Variants in PPM1L observed in about 807,000 individuals in gnomAD.
The protein encoded by PPM1L is protein phosphatase, Mg2+/Mn2+ dependent 1L, also known as protein phosphatase 1L.
PPM1L carries 13 observed loss-of-function variants against 31.4 expected under a neutral mutation model. The ratio of observed to expected loss-of-function variants is 0.41; its 90% CI spans 0.27 to 0.66. PPM1L has a LOEUF of 0.66. PPM1L is among the 30% of genes least tolerant of loss of function. PPM1L has a pLI of 0.29. For missense variants in PPM1L, 326 were observed against 453.7 expected (o/e 0.72, Z 2.56); for synonymous variants, 184 against 175.4 (o/e 1.05, Z -0.39).
intron 1 of PPM1L, among the ~76,000 whole-genome samples, chr3:160,778,452 G>A (rs771677320): frequency 1.2e-4 from 19 of 152,014 alleles, no homozygotes; most frequent in Non-Finnish European, 2.5e-4. Context: ...GAGCATCTGG[G>A]TACTTGAAAT....
Position 160,976,211 on chromosome 3 carries a change from C to T in PPM1L, c.574+14301C>T, listed in dbSNP as rs548003624. On this transcript the variant is annotated intron_variant, in intron 2 of 3. Transcript: ENST00000498165. ...GCATATATTGAACCAGCCTTGCATCCCAGGGATGAAGCCCACTTGATCATG... is the reference window on the plus strand; with the variant it reads ...GCATATATTGAACCAGCCTTGCATCTCAGGGATGAAGCCCACTTGATCATG... Among the ~76,000 whole-genome samples, 30 of 137,678 alleles carry T rather than the reference C, an allele frequency of 2.2e-4. 1 individual carries two copies. The South Asian group carries it at 6.4e-3, about 29-fold the overall frequency. The allele number at this position is 137,678 out of a possible 152,430, so 90.3% of individuals were successfully genotyped here. A position where few individuals can be genotyped will look rare whatever the true frequency, so the allele number is the denominator to read the frequency against.
chr3:161,026,941 T>C (rs1718417397), intron 2 of PPM1L, among the ~76,000 whole-genome samples: 1 of 152,130 alleles, frequency 6.6e-6, no homozygotes, highest in South Asian at 2.1e-4. Context: ...GTACACTGGC[T>C]CCAGAGATGA....
chr3:160,994,953 C>A (rs1334110617), intron 2 of PPM1L, among the ~76,000 whole-genome samples: 1 of 152,082 alleles, frequency 6.6e-6, no homozygotes, highest in Non-Finnish European at 1.5e-5. Flanking sequence ...CCAGCCAATG[C>A]AAGGACCCTG....
At chr3:160,907,610 C>G (rs1713808343) in intron 1 of PPM1L, among the ~76,000 whole-genome samples, 1 of 152,026 alleles carries the variant, frequency 6.6e-6, no homozygotes, top group Admixed American at 6.6e-5. Context: ...AACTATCTAG[C>G]CAAATTCCTT....
At chr3:160,778,593 A>C (rs1711637886) in intron 1 of PPM1L, among the ~76,000 whole-genome samples, 2 of 152,250 alleles carry the variant, frequency 1.3e-5, no homozygotes, top group South Asian at 4.1e-4. Context: ...GATGAGACTA[A>C]GATAGAATAA....
intron 1 of PPM1L, among the ~76,000 whole-genome samples, chr3:160,875,747 C>T (rs1712486765): frequency 6.6e-6 from 1 of 152,162 alleles, no homozygotes. Context: ...TTAAGTAAAA[C>T]TTTCCCAGGT....
At chr3:161,048,226 C>CA (rs1231213102) in intron 2 of PPM1L, among the ~76,000 whole-genome samples, 7 of 152,084 alleles carry the variant, frequency 4.6e-5, no homozygotes, top group Non-Finnish European at 7.4e-5. Context: ...ACAAAGAACT[C>CA]AAACAAATTT....
At chr3:160,789,732 A>C (rs1712044169) in intron 1 of PPM1L, among the ~76,000 whole-genome samples, 1 of 151,670 alleles carries the variant, frequency 6.6e-6, no homozygotes, top group Non-Finnish European at 1.5e-5. Context: ...TTCTCCTTGG[A>C]CCTGCTAATG....
intron 1 of PPM1L, among the ~76,000 whole-genome samples, chr3:160,788,634 A>G (rs1022317967): frequency 2.6e-5 from 4 of 152,090 alleles, no homozygotes; most frequent in African/African-American, 9.6e-5. Context: ...TTTTACTTAG[A>G]AATAACTTTC....
chr3:160,862,195 T>G (rs932662908), intron 1 of PPM1L, among the ~76,000 whole-genome samples: 3 of 152,166 alleles, frequency 2.0e-5, no homozygotes, highest in African/African-American at 7.2e-5. Context: ...CTCCCAAAAT[T>G]ACTTTTAGTA....
At chr3:160,790,081 T>A (rs1553806757) in intron 1 of PPM1L, among the ~76,000 whole-genome samples, 3 of 152,140 alleles carry the variant, frequency 2.0e-5, no homozygotes, top group Non-Finnish European at 4.4e-5. Flanking sequence ...CAAAGTTCAG[T>A]ACATGAAACC....
chr3:160,897,526 G>T (rs1232481354), intron 1 of PPM1L, among the ~76,000 whole-genome samples: 1 of 152,174 alleles, frequency 6.6e-6, no homozygotes, highest in Non-Finnish European at 1.5e-5. Context: ...GTGGAATACC[G>T]CAAAGAGACC....
intron 1 of PPM1L, among the ~76,000 whole-genome samples, chr3:160,837,107 C>G (rs912516955): frequency 1.3e-5 from 2 of 152,004 alleles, no homozygotes; most frequent in African/African-American, 4.8e-5. Context: ...CTTTATTTTA[C>G]TTAAGTGTAT....
At chr3:160,758,290 G>C (rs1003640299) in intron 1 of PPM1L, among the ~76,000 whole-genome samples, 3 of 152,104 alleles carry the variant, frequency 2.0e-5, no homozygotes, top group Non-Finnish European at 4.4e-5. Flanking sequence ...CAGTATAATG[G>C]CTGATTTGTC....
chr3:161,076,833 G>T lies in PPM1L; in HGVS notation c.*7676G>T, dbSNP rs1470321603. 1 of 152,138 alleles carries T rather than the reference G, an allele frequency of 6.6e-6. No individual in the cohort carries two copies. The highest frequency in any genetic ancestry group is 1.5e-5 in the Non-Finnish European group (1 of 68,030). The allele number at this position is 152,138 out of a possible 1,614,324, so 9.4% of individuals were successfully genotyped here. A position where few individuals can be genotyped will look rare whatever the true frequency, so the allele number is the denominator to read the frequency against. ...TAAACTCTGCTCACATACATAATTT[G>T]TATAAGGAAAATGTATGAGTTTTTT... is the stretch of plus-strand genomic sequence containing the variant. On this transcript the variant is annotated 3_prime_UTR_variant, in exon 4 of 4. Transcript: ENST00000498165.
intron 2 of PPM1L, among the ~76,000 whole-genome samples, chr3:161,012,655 C>T (rs6775169): frequency 0.35 from 52,534 of 150,556 alleles, 9,573 homozygotes; most frequent in East Asian, 0.64. Context: ...TCCTGGACTC[C>T]TTTTGGTTGG....
chr3:161,002,711 T>G (rs1156554397), intron 2 of PPM1L, among the ~76,000 whole-genome samples: 24 of 143,430 alleles, frequency 1.7e-4, no homozygotes, highest in Admixed American at 2.8e-4. Context: ...TAAATTTGTT[T>G]GAGTTCATTG....
At chr3:161,030,098 C>T (rs991640075) in intron 2 of PPM1L, among the ~76,000 whole-genome samples, 26 of 152,292 alleles carry the variant, frequency 1.7e-4, no homozygotes, top group African/African-American at 6.0e-4. Context: ...CTCCTATTTT[C>T]CATTTTACAG....
intron 1 of PPM1L, among the ~76,000 whole-genome samples, chr3:160,858,015 C>T (rs1003686112): frequency 6.6e-6 from 1 of 152,104 alleles, no homozygotes; most frequent in African/African-American, 2.4e-5. Context: ...TAAATTTTAA[C>T]GGAGAGAAAA....
Sources: gnomAD v4.1 joint callset for allele counts (sites outside exome capture counted in the v4.1 genomes callset) on GRCh38, gnomAD v4.1.1 for gene constraint, MANE v1.5 for transcripts, NCBI Gene and HGNC (gene_info 2026-07-23, HGNC 2026-07-21) for gene names.